SUFU: variants seen among roughly 807,000 people sequenced by gnomAD.
SUFU encodes suppressor of fused homolog.
Under a neutral mutation model 58.9 loss-of-function variants are expected in SUFU, and 7 were observed. The observed-to-expected ratio is 0.12, with a 90% confidence interval of 0.07 to 0.22. The LOEUF (loss-of-function observed/expected upper bound fraction) is 0.22, where lower values mean the gene tolerates loss of function less well. SUFU is among the 10% of genes least tolerant of loss of function. The pLI, the probability that SUFU is intolerant of heterozygous loss-of-function variation, is 1.00. For synonymous variants in SUFU, 232 were observed against 254.8 expected, an observed-to-expected ratio of 0.91 and a Z score of 0.85; for missense variants, 451 against 641.3, an observed-to-expected ratio of 0.70 and a Z score of 3.20.
At chr10:102,546,028 T>A (rs1344174000) in intron 2 of SUFU, among the ~76,000 whole-genome samples, 4 of 152,244 alleles carry the variant, frequency 2.6e-5, no homozygotes, top group Non-Finnish European at 5.9e-5. Context: ...AGCAGTCATT[T>A]TGGGCTCTTG....
intron 10 of SUFU, 114 bp from the exon 11 acceptor site, chr10:102,627,061 T>C: frequency 1.7e-6 from 2 of 1,155,914 alleles, no homozygotes; most frequent in South Asian, 1.2e-5. Flanking sequence ...CTTGAACAGA[T>C]CACAGTGAGC....
At chr10:102,542,243 C>G (rs2062810935) in intron 2 of SUFU, among the ~76,000 whole-genome samples, 3 of 151,568 alleles carry the variant, frequency 2.0e-5, no homozygotes, top group Admixed American at 2.0e-4. Context: ...AGCGATTCTC[C>G]TGCCTCAGCC....
intron 2 of SUFU, among the ~76,000 whole-genome samples, chr10:102,523,972 A>G (rs1340393530): frequency 6.6e-6 from 1 of 152,132 alleles, no homozygotes; most frequent in Non-Finnish European, 1.5e-5. Flanking sequence ...CTTCTACCTC[A>G]GGGCCTTTGC....
chr10:102,600,427 G>T (rs995042704), intron 8 of SUFU, among the ~76,000 whole-genome samples: 1 of 152,202 alleles, frequency 6.6e-6, no homozygotes, highest in Non-Finnish European at 1.5e-5. Flanking sequence ...CATCTGGGGT[G>T]CACAGGCTCT....
At chr10:102,523,996 A>G (rs541431797) in intron 2 of SUFU, among the ~76,000 whole-genome samples, 2 of 152,128 alleles carry the variant, frequency 1.3e-5, no homozygotes, top group South Asian at 2.1e-4. Flanking sequence ...TACTCTCCCT[A>G]TGCCTGCAAA....
rs71474569 is a variant in SUFU, at chr10:102,590,153, CT to C, written c.455-2423del. 3.3e-3 allele frequency among the ~76,000 whole-genome samples: 242 copies of C among 73,866 alleles called. 2 individuals are homozygous for C. The highest frequency in any genetic ancestry group is 0.012 in the African/African-American group (217 of 18,256). The allele number at this position is 73,866 out of a possible 152,430, so 48.5% of individuals were successfully genotyped here. On this transcript the variant is annotated intron_variant, in intron 3 of 11. Coordinates refer to ENST00000369902, the MANE Select transcript of SUFU (RefSeq NM_016169.4). Reference sequence around the variant, plus strand: ...CCCCCGACTTTTTCTTTTTTTTTTTCTTTTTTCTTTTTTTTTTTTTTTTGAG... The same window carrying C: ...CCCCCGACTTTTTCTTTTTTTTTTTCTTTTTCTTTTTTTTTTTTTTTTGAG...
intron 10 of SUFU, chr10:102,618,975 TGTG>T: frequency 4.3e-6 from 4 of 927,822 alleles, no homozygotes; most frequent in Non-Finnish European, 7.1e-6. Context: ...TGTGTGTGTG[TGTG>T]TAATGTTCAA....
At chr10:102,586,277 A>G (rs537438177) in intron 3 of SUFU, among the ~76,000 whole-genome samples, 1 of 151,988 alleles carries the variant, frequency 6.6e-6, no homozygotes, top group East Asian at 1.9e-4. Context: ...AGTTGTAAGA[A>G]CTCTTTATAT....
At chr10:102,521,417 C>A (rs2062549863) in intron 2 of SUFU, among the ~76,000 whole-genome samples, 1 of 152,180 alleles carries the variant, frequency 6.6e-6, no homozygotes, top group Non-Finnish European at 1.5e-5. Flanking sequence ...ACTTCTCAAG[C>A]CGTTAAATGA....
Position 102,619,761 on chromosome 10 carries a change from G to A in SUFU, c.1296+2333G>A, listed in dbSNP as rs913254524. ...TTAGGGTCCTGCCACTGTGGTCACAGGCAGCTCCCTTGCTTGTGGGAACCT... is the reference window on the plus strand; with the variant it reads ...TTAGGGTCCTGCCACTGTGGTCACAAGCAGCTCCCTTGCTTGTGGGAACCT... On this transcript the variant is annotated intron_variant, in intron 10 of 11. Transcript: ENST00000369902. The surrounding 1 kb of genome is among the most constrained non-coding windows in gnomAD (Gnocchi z 4.2). 3.9e-5 allele frequency among the ~76,000 whole-genome samples: 6 copies of A among 152,346 alleles called. No individual in the cohort carries two copies. The highest frequency in any genetic ancestry group is 1.2e-4 in the African/African-American group (5 of 41,572).
intron 3 of SUFU, among the ~76,000 whole-genome samples, chr10:102,589,490 G>A (rs2063373488): frequency 9.4e-6 from 1 of 106,526 alleles, no homozygotes; most frequent in South Asian, 3.2e-4. Flanking sequence ...CTGTCACCCA[G>A]GCTGGAATGC....
chr10:102,507,003 C>A (rs546664632), intron 1 of SUFU, among the ~76,000 whole-genome samples: 67 of 152,164 alleles, frequency 4.4e-4, no homozygotes, highest in Non-Finnish European at 8.7e-4. Context: ...GTTGGGTGTT[C>A]AAGGAATTAA....
chr10:102,598,159 T>C (rs538633203), intron 7 of SUFU, among the ~76,000 whole-genome samples: 15 of 146,582 alleles, frequency 1.0e-4, no homozygotes, highest in Non-Finnish European at 1.5e-4. Context: ...GAGCCCTTTC[T>C]TTTTTTTTTT....
intron 2 of SUFU, among the ~76,000 whole-genome samples, chr10:102,521,266 TTC>T (rs2062548406): frequency 6.6e-6 from 1 of 152,218 alleles, no homozygotes; most frequent in Admixed American, 6.5e-5. Flanking sequence ...TCTGTATATC[TTC>T]TTTGGTGACA....
rs2062283790 is a variant in SUFU, at chr10:102,503,974, A to G, written c.-179A>G. 1 of 879,330 alleles carries G rather than the reference A, an allele frequency of 1.1e-6. No individual in the cohort carries two copies. The highest frequency in any genetic ancestry group is 4.1e-5 in the Admixed American group (1 of 24,480). 54.5% of individuals were successfully genotyped at this position (879,330 alleles called of 1,614,324 possible). On this transcript the variant is annotated 5_prime_UTR_variant, in exon 1 of 12. Transcript: ENST00000369902. ...GCCGCCCCGAGGCACCCTCTGGCAG[A>G]CTCGGCGGCGGCGACAGCCTGGGCG... is the stretch of plus-strand genomic sequence containing the variant.
Position 102,508,420 on chromosome 10 carries a change from C to G in SUFU, c.183-749C>G, listed in dbSNP as rs115587955. Among the ~76,000 whole-genome samples, 823 of 152,262 alleles carry G rather than the reference C, an allele frequency of 5.4e-3. 5 individuals are homozygous for G. Among genetic ancestry groups the G allele is most frequent in the African/African-American group, 0.019 (786 of 41,546 alleles). Reference sequence around the variant, plus strand: ...AATTTAATGTGGTCCTGAGAGGCCCCAAATCATTTACCATCCCAGCTCTAC... The same window carrying G: ...AATTTAATGTGGTCCTGAGAGGCCCGAAATCATTTACCATCCCAGCTCTAC... On this transcript the variant is annotated intron_variant, in intron 1 of 11. Transcript: ENST00000369902.
At chr10:102,604,568 T>C (rs918766031) in intron 8 of SUFU, among the ~76,000 whole-genome samples, 4 of 152,060 alleles carry the variant, frequency 2.6e-5, no homozygotes, top group Non-Finnish European at 5.9e-5. Flanking sequence ...TGATCCTCGG[T>C]GTCACCCAAC....
intron 3 of SUFU, among the ~76,000 whole-genome samples, chr10:102,555,009 C>T (rs1002604491): frequency 6.6e-6 from 1 of 152,132 alleles, no homozygotes; most frequent in Non-Finnish European, 1.5e-5. Flanking sequence ...TGGCTCATGC[C>T]TGTAATCCCA....
chr10:102,507,634 C>T (rs1363906440), intron 1 of SUFU, among the ~76,000 whole-genome samples: 3 of 152,246 alleles, frequency 2.0e-5, no homozygotes, highest in Non-Finnish European at 4.4e-5. Flanking sequence ...GGATTTCTAT[C>T]CACAAAGGCA....
Sources: allele counts gnomAD v4.1 joint callset (sites outside exome capture counted in the v4.1 genomes callset), GRCh38; gene constraint gnomAD v4.1.1; non-coding constraint Gnocchi (gnomAD v3.1); transcripts MANE v1.5; gene names NCBI Gene and HGNC (gene_info 2026-07-23, HGNC 2026-07-21).